The following FAM3B variants were observed in gnomAD, a reference collection of about 807,000 sequenced individuals.
The protein encoded by FAM3B is FAM3 metabolism regulating signaling molecule B.
A neutral mutation model predicts 28.4 loss-of-function variants in FAM3B; 29 were observed. That is an observed-to-expected ratio of 1.02 (90% CI 0.76 to 1.39). The LOEUF is 1.39. Among genes scored for constraint, FAM3B ranks in the 40% most tolerant of loss-of-function variants. The pLI is 0.00. For missense variants in FAM3B, 266 were observed against 293.9 expected, an observed-to-expected ratio of 0.91 and a Z score of 0.69; for synonymous variants, 91 against 103.0, an observed-to-expected ratio of 0.88 and a Z score of 0.71.
At chr21:41,355,538 C>G (rs1027989988) in intron 7 of FAM3B, among the ~76,000 whole-genome samples, 2 of 147,536 alleles carry the variant, frequency 1.4e-5, no homozygotes, top group Non-Finnish European at 3.0e-5. Flanking sequence ...ATGGATGAAC[C>G]TTGAAAACAG....
rs1055153891 is a variant in FAM3B at position 41,326,129 on chromosome 21, A to G, written c.163+3063A>G. 2.0e-5 allele frequency among the ~76,000 whole-genome samples: 3 copies of G among 152,222 alleles called. No individual in the cohort carries two copies. The highest frequency in any genetic ancestry group is 4.8e-5 in the African/African-American group (2 of 41,460). ...GGACACTGGCTTCTACGTAAGCCAC[A>G]TGAACTTTACCTTTTGATTGTTTGG... is the stretch of plus-strand genomic sequence containing the variant. On this transcript the variant is annotated intron_variant, in intron 2 of 7. Transcript: ENST00000357985. The surrounding 1 kb of genome is among the most constrained non-coding windows in gnomAD (Gnocchi z 4.0).
chr21:41,310,433 C>A (rs2088702990), intron 1 of FAM3B, among the ~76,000 whole-genome samples: 1 of 152,194 alleles, frequency 6.6e-6, no homozygotes, highest in African/African-American at 2.4e-5. Context: ...TGGATCTTTG[C>A]ACTAGAATGT....
intron 2 of FAM3B, among the ~76,000 whole-genome samples, chr21:41,325,822 C>T (rs60223437): frequency 0.017 from 2,620 of 152,312 alleles, 89 homozygotes; most frequent in African/African-American, 0.06. Flanking sequence ...GGACGCAAGG[C>T]TGTGCGAGCT....
intron 3 of FAM3B, among the ~76,000 whole-genome samples, chr21:41,342,544 A>C (rs182182413): frequency 1.2e-3 from 187 of 152,238 alleles, no homozygotes; most frequent in Middle Eastern, 6.8e-3. Flanking sequence ...TCTGCTCTTT[A>C]TCATGGACAG....
intron 7 of FAM3B, among the ~76,000 whole-genome samples, chr21:41,356,559 A>C (rs572350191): frequency 3.3e-5 from 5 of 152,222 alleles, no homozygotes; most frequent in Non-Finnish European, 7.3e-5. Context: ...TTAAACCACC[A>C]TGAGTTGGGG....
chr21:41,310,948 T>G (rs78570421), intron 1 of FAM3B, among the ~76,000 whole-genome samples: 4,572 of 152,138 alleles, frequency 0.03, 216 homozygotes, highest in African/African-American at 0.1. Context: ...TTAAAAAGTA[T>G]TAAATAAGTT....
At chr21:41,346,103 G>A in intron 5 of FAM3B, 1 of 208,386 alleles carries the variant, frequency 4.8e-6, no homozygotes, top group Non-Finnish European at 9.5e-6. Context: ...TCCTTTGAAA[G>A]CTGTCACGAT....
At chr21:41,309,833 A>G (rs1182914294) in intron 1 of FAM3B, among the ~76,000 whole-genome samples, 1 of 152,232 alleles carries the variant, frequency 6.6e-6, no homozygotes, top group East Asian at 1.9e-4. Context: ...TGGGAACTGG[A>G]CATTTGCATT....
intron 4 of FAM3B, among the ~76,000 whole-genome samples, chr21:41,345,280 C>T (rs111569197): frequency 2.4e-5 from 2 of 81,776 alleles, no homozygotes; most frequent in Admixed American, 1.5e-4. Context: ...TGGGATGAGG[C>T]GGGTGGGCCT....
chr21:41,332,874 C>A (rs1394196830), intron 2 of FAM3B, among the ~76,000 whole-genome samples: 2 of 151,798 alleles, frequency 1.3e-5, no homozygotes, highest in Non-Finnish European at 2.9e-5. Flanking sequence ...TATCTCTTTT[C>A]AAAAAACCAA....
chr21:41,318,091 C>G (rs1178577366), intron 1 of FAM3B, among the ~76,000 whole-genome samples: 1 of 152,106 alleles, frequency 6.6e-6, no homozygotes, highest in African/African-American at 2.4e-5. Flanking sequence ...TTCCCTCAGC[C>G]AGGACTTTTT....
intron 7 of FAM3B, among the ~76,000 whole-genome samples, chr21:41,349,129 G>A (rs1418938673): frequency 6.6e-6 from 1 of 152,210 alleles, no homozygotes; most frequent in African/African-American, 2.4e-5. Context: ...CACAAATCTG[G>A]CTTCCATTGC....
chr21:41,346,907 G>T, intron 5 of FAM3B, 106 bp from the exon 6 acceptor site: 1 of 994,458 alleles, frequency 1.0e-6, no homozygotes, highest in Non-Finnish European at 1.6e-6. Context: ...GGACCCCCAA[G>T]GATTCAGAAT....
chr21:41,345,424 G>T (rs1382709863), intron 4 of FAM3B, among the ~76,000 whole-genome samples: 1 of 152,086 alleles, frequency 6.6e-6, no homozygotes, highest in Admixed American at 6.5e-5. Context: ...GAGTTGGGTG[G>T]GGGAGGTATT....
upstream of FAM3B, among the ~76,000 whole-genome samples, chr21:41,312,057 C>T (rs1749312345): frequency 6.6e-6 from 1 of 152,148 alleles, no homozygotes; most frequent in African/African-American, 2.4e-5. Flanking sequence ...AGGAAAGACC[C>T]GCCCCCATGA....
chr21:41,316,914 C>T lies in FAM3B; in HGVS notation c.19+16C>T, dbSNP rs2088754617. ...TTGGCTGGTGGTGAGTGCGCCCCCG[C>T]CTCGGGGCGAGGGTAGGGGCGGGGA... On this transcript the variant is annotated intron_variant, in intron 1 of 7. Coordinates refer to ENST00000357985, the MANE Select transcript of FAM3B (RefSeq NM_058186.4). 1.5e-6 allele frequency: 2 copies of T among 1,356,108 alleles called. No homozygotes were observed. Among genetic ancestry groups the T allele is most frequent in the Non-Finnish European group, 9.5e-7 (1 of 1,052,954 alleles). 84.0% of individuals were successfully genotyped at this position (1,356,108 alleles called of 1,614,324 possible).
chr21:41,336,323 A>C (rs1307456274), intron 2 of FAM3B, among the ~76,000 whole-genome samples: 1 of 152,214 alleles, frequency 6.6e-6, no homozygotes, highest in Non-Finnish European at 1.5e-5. Context: ...AGAGTTCAAG[A>C]CCAGCTTGGC....
rs527531757 is a variant in FAM3B at position 41,334,035 on chromosome 21, G to T, written c.164-4343G>T. On this transcript the variant is annotated intron_variant, in intron 2 of 7. Transcript: ENST00000357985. ...TTGACAGTGATCATTTAGGGTATCT[G>T]ATGGAATAAATTTCTAAGCAGCAAA... 9.8e-5 allele frequency among the ~76,000 whole-genome samples: 15 copies of T among 152,324 alleles called. No individual in the cohort carries two copies. In the East Asian group the frequency reaches 2.9e-3, roughly 29 times the overall value.
upstream of FAM3B, among the ~76,000 whole-genome samples, chr21:41,314,759 TA>T (rs1235210625): frequency 2.7e-5 from 3 of 109,370 alleles, no homozygotes. Context: ...GGAAGGCTAC[TA>T]TTAAAAAAAA....
Sources: allele counts gnomAD v4.1 joint callset (sites outside exome capture counted in the v4.1 genomes callset), GRCh38; gene constraint gnomAD v4.1.1; non-coding constraint Gnocchi (gnomAD v3.1); transcripts MANE v1.5; gene names NCBI Gene and HGNC (gene_info 2026-07-23, HGNC 2026-07-21).